MYO10: variants seen among roughly 807,000 people sequenced by gnomAD.
The protein encoded by MYO10 is myosin X, also known as unconventional myosin-X.
Under a neutral mutation model 257.3 loss-of-function variants are expected in MYO10, and 133 were observed. The observed-to-expected ratio is 0.52, with a 90% CI of 0.45 to 0.60. The LOEUF (loss-of-function observed/expected upper bound fraction) is 0.60, where lower values mean the gene tolerates loss of function less well. MYO10 is among the 20% of genes least tolerant of loss of function. The pLI is 0.00. For missense variants in MYO10, 2,399 were observed against 2,635.7 expected (o/e 0.91, Z 1.97); for synonymous variants, 1,104 against 1,028.6 (o/e 1.07, Z -1.40).
chr5:16,850,737 A>C (rs1258892561), intron 2 of MYO10, among the ~76,000 whole-genome samples: 2 of 147,252 alleles, frequency 1.4e-5, no homozygotes, highest in East Asian at 2.1e-4. Context: ...GATCGCTCTA[A>C]AAAGTTTGGG....
intron 1 of MYO10, among the ~76,000 whole-genome samples, chr5:16,885,753 C>T (rs1043978865): frequency 1.3e-5 from 2 of 151,962 alleles, no homozygotes; most frequent in Middle Eastern, 3.2e-3. Flanking sequence ...ACAAATGCAG[C>T]GCTAACGCGA....
chr5:16,814,855 G>C (rs1450619115), intron 3 of MYO10: 1 of 152,102 alleles, frequency 6.6e-6, no homozygotes, highest in Non-Finnish European at 1.5e-5. Flanking sequence ...CTTATTCCAA[G>C]ACCAAGATCT....
chr5:16,698,446 C>T (rs746215593), intron 26 of MYO10, among the ~76,000 whole-genome samples: 2 of 152,084 alleles, frequency 1.3e-5, no homozygotes, highest in South Asian at 2.1e-4. Context: ...TGTTAAGGTT[C>T]AGCAAAGTAT....
At chr5:16,719,419 G>A (rs1421705908) in intron 19 of MYO10, among the ~76,000 whole-genome samples, 1 of 152,156 alleles carries the variant, frequency 6.6e-6, no homozygotes, top group African/African-American at 2.4e-5. Flanking sequence ...GGTAACATGT[G>A]GCACTGTATC....
At chr5:16,674,520 AATTAG>A (rs1162920264) in intron 35 of MYO10, among the ~76,000 whole-genome samples, 2 of 151,842 alleles carry the variant, frequency 1.3e-5, no homozygotes, top group Non-Finnish European at 2.9e-5. Context: ...TCAAAATCTC[AATTAG>A]ATTGTTTCTA....
rs756786980 is a variant in MYO10, at chr5:16,689,866, T to C, written c.3854A>G (p.Asp1285Gly). The C allele has an allele frequency of 6.2e-7, 1 of 1,613,808 alleles. No homozygotes were observed. The highest frequency in any genetic ancestry group is 1.3e-5 in the African/African-American group (1 of 74,968). Residue 1285 changes from aspartate (D) to glycine (G), a missense_variant, in exon 28 of 41, where the codon GAT (aspartate) becomes GGT (glycine). This residue lies in a region of MYO10 where 1,820 missense variants were observed against 1,939.4 expected (regional missense o/e 0.94). Transcript: ENST00000513610. Reference sequence around the variant, plus strand: ...CTCTGCAATCAGGTGGAAAGTCCTATCGGCCATAATGATGTCGATCCCATT... The same window carrying C: ...CTCTGCAATCAGGTGGAAAGTCCTACCGGCCATAATGATGTCGATCCCATT... ...KENGIDIIMA[D>G]RTFHLIAESP...
chr5:16,897,594 G>A (rs1745252206), intron 1 of MYO10, among the ~76,000 whole-genome samples: 1 of 152,222 alleles, frequency 6.6e-6, no homozygotes, highest in African/African-American at 2.4e-5. Context: ...AAGGCCTCCT[G>A]AGTCCCACGG....
At chr5:16,833,750 C>T (rs1168031391) in intron 2 of MYO10, among the ~76,000 whole-genome samples, 3 of 152,150 alleles carry the variant, frequency 2.0e-5, no homozygotes, top group Non-Finnish European at 4.4e-5. Context: ...CTCTGCTCTC[C>T]AATCCTTAGT....
intron 5 of MYO10, among the ~76,000 whole-genome samples, chr5:16,782,084 T>G (rs992269984): frequency 2.0e-5 from 3 of 152,210 alleles, no homozygotes; most frequent in Non-Finnish European, 4.4e-5. Flanking sequence ...CCGCAATGGC[T>G]CGTTCCTGCA....
At chr5:16,896,945 G>C (rs1183715818) in intron 1 of MYO10, among the ~76,000 whole-genome samples, 3 of 152,104 alleles carry the variant, frequency 2.0e-5, no homozygotes, top group Admixed American at 6.5e-5. Context: ...GGAAGGAAGG[G>C]AGAAGGGAGA....
At chr5:16,733,857 G>A (rs1282151005) in intron 19 of MYO10, among the ~76,000 whole-genome samples, 1 of 152,100 alleles carries the variant, frequency 6.6e-6, no homozygotes, top group East Asian at 1.9e-4. Flanking sequence ...CGAGTTGACG[G>A]CTCGGCATCG....
At chr5:16,764,729 C>T (rs1168203653) in intron 11 of MYO10, among the ~76,000 whole-genome samples, 1 of 152,138 alleles carries the variant, frequency 6.6e-6, no homozygotes, top group African/African-American at 2.4e-5. Flanking sequence ...AGCTCTGTCA[C>T]CCAGGCTGGA....
intron 32 of MYO10, among the ~76,000 whole-genome samples, chr5:16,680,500 T>C (rs939838877): frequency 1.3e-5 from 2 of 152,150 alleles, no homozygotes; most frequent in East Asian, 1.9e-4. Flanking sequence ...CTTTAGCCTC[T>C]CCCTTCAGAA....
intron 2 of MYO10, among the ~76,000 whole-genome samples, chr5:16,857,792 T>A (rs1313309295): frequency 6.6e-6 from 1 of 152,204 alleles, no homozygotes; most frequent in Non-Finnish European, 1.5e-5. Context: ...TCCTGGCTGG[T>A]CGCACTGGTT....
At chr5:16,712,874 A>T (rs965002046) in intron 19 of MYO10, among the ~76,000 whole-genome samples, 2 of 152,208 alleles carry the variant, frequency 1.3e-5, no homozygotes, top group African/African-American at 2.4e-5. Context: ...ATCCTCAGAA[A>T]AGTAAGAAAA....
In MYO10 at chr5:16,785,985, C is replaced by G. The variant is rs185441212; in HGVS notation, c.468-2516G>C. Among the ~76,000 whole-genome samples, 770 of 152,212 alleles carry G rather than the reference C, an allele frequency of 5.1e-3. 6 individuals carry two copies. The highest frequency in any genetic ancestry group is 8.0e-3 in the Admixed American group (123 of 15,284). On this transcript the variant is annotated intron_variant, in intron 4 of 40. Coordinates refer to ENST00000513610, the MANE Select transcript of MYO10 (RefSeq NM_012334.3). ...CATGGGGCTATCAGCCACTTCTATGCCTGGTAGCTAAAAACCCCCTTCACA... is the reference window on the plus strand; with the variant it reads ...CATGGGGCTATCAGCCACTTCTATGGCTGGTAGCTAAAAACCCCCTTCACA...
At chr5:16,805,530 G>C (rs959293349) in intron 3 of MYO10, among the ~76,000 whole-genome samples, 34 of 151,696 alleles carry the variant, frequency 2.2e-4, no homozygotes, top group African/African-American at 8.2e-4. Flanking sequence ...ATTTGCCATG[G>C]GCTCACGTCA....
At chr5:16,908,184 T>C (rs181385979) in intron 1 of MYO10, among the ~76,000 whole-genome samples, 2 of 151,826 alleles carry the variant, frequency 1.3e-5, no homozygotes, top group Non-Finnish European at 2.9e-5. Context: ...TGAGCCAAGA[T>C]TGTGCCACTG....
At chr5:16,875,228 G>A (rs935271574) in intron 2 of MYO10, among the ~76,000 whole-genome samples, 5 of 152,110 alleles carry the variant, frequency 3.3e-5, no homozygotes, top group Non-Finnish European at 5.9e-5. Context: ...TTTGTTAAAC[G>A]AATGACACTG....
Sources: gnomAD v4.1 joint callset for allele counts (sites outside exome capture counted in the v4.1 genomes callset) on GRCh38, gnomAD v4.1.1 for gene constraint, gnomAD v4.1.1 regional missense constraint, MANE v1.5 for transcripts, NCBI Gene and HGNC (gene_info 2026-07-23, HGNC 2026-07-21) for gene names.